CNOT6L: variants seen among roughly 807,000 people sequenced by gnomAD.
The protein encoded by CNOT6L is CCR4-NOT transcription complex subunit 6-like.
A neutral mutation model predicts 64.0 loss-of-function variants in CNOT6L; 7 were observed. The ratio of observed to expected loss-of-function variants is 0.11; its 90% CI spans 0.06 to 0.21. The LOEUF is 0.21. CNOT6L is among the 10% of genes least tolerant of loss of function. The pLI, the probability that CNOT6L is intolerant of heterozygous loss-of-function variation, is 1.00. For synonymous variants in CNOT6L, 193 were observed against 243.4 expected, an observed-to-expected ratio of 0.79 and a Z score of 1.93; for missense variants, 245 against 669.0, an observed-to-expected ratio of 0.37 and a Z score of 6.99.
chr4:77,778,143 T>G (rs1214705615), intron 1 of CNOT6L, among the ~76,000 whole-genome samples: 1 of 152,206 alleles, frequency 6.6e-6, no homozygotes, highest in Non-Finnish European at 1.5e-5. Flanking sequence ...TTCTACCATA[T>G]TCAGCCTATA....
intron 1 of CNOT6L, among the ~76,000 whole-genome samples, chr4:77,810,052 C>T (rs1296033851): frequency 6.6e-6 from 1 of 151,802 alleles, no homozygotes; most frequent in Non-Finnish European, 1.5e-5. Flanking sequence ...AATTTTAAAG[C>T]GGACTAAAAA....
intron 4 of CNOT6L, among the ~76,000 whole-genome samples, chr4:77,759,778 A>G (rs1237622889): frequency 6.6e-6 from 1 of 152,192 alleles, no homozygotes; most frequent in Admixed American, 6.5e-5. Context: ...GTAAGGTTGA[A>G]AAACAGAACA....
intron 1 of CNOT6L, among the ~76,000 whole-genome samples, chr4:77,787,441 T>A (rs978399344): frequency 6.6e-6 from 1 of 152,180 alleles, no homozygotes; most frequent in African/African-American, 2.4e-5. Context: ...TACAAATGCC[T>A]TAAAATCCCT....
At chr4:77,790,205 T>A (rs1015629338) in intron 1 of CNOT6L, among the ~76,000 whole-genome samples, 2 of 152,126 alleles carry the variant, frequency 1.3e-5, no homozygotes, top group African/African-American at 4.8e-5. Context: ...ATTATGCATT[T>A]TAAGTTTCCT....
At chr4:77,781,025 T>C (rs564336621) in intron 1 of CNOT6L, among the ~76,000 whole-genome samples, 1 of 152,294 alleles carries the variant, frequency 6.6e-6, no homozygotes, top group East Asian at 1.9e-4. Context: ...TTCATGTTCT[T>C]TGCAGGGACA....
At chr4:77,765,067 A>G (rs1054526436) in intron 4 of CNOT6L, among the ~76,000 whole-genome samples, 1 of 152,192 alleles carries the variant, frequency 6.6e-6, no homozygotes, top group Non-Finnish European at 1.5e-5. Flanking sequence ...CTTCGCTGGT[A>G]AAACAGGTTG....
intron 1 of CNOT6L, among the ~76,000 whole-genome samples, chr4:77,818,198 C>G (rs1404235351): frequency 6.6e-6 from 1 of 152,182 alleles, no homozygotes; most frequent in Admixed American, 6.5e-5. Flanking sequence ...ACAAACGGCT[C>G]AGCTAAACTC....
intron 6 of CNOT6L, among the ~76,000 whole-genome samples, chr4:77,747,680 G>C (rs1724360534): frequency 6.6e-6 from 1 of 152,052 alleles, no homozygotes; most frequent in Non-Finnish European, 1.5e-5. Flanking sequence ...CTTTATAAAT[G>C]TCAAACCATT....
intron 5 of CNOT6L, among the ~76,000 whole-genome samples, chr4:77,750,847 C>T (rs1724776458): frequency 6.6e-6 from 1 of 152,180 alleles, no homozygotes; most frequent in Admixed American, 6.5e-5. Context: ...AGCACTAGGC[C>T]TGATCTGCCT....
chr4:77,794,797 T>C (rs904141028), intron 1 of CNOT6L, among the ~76,000 whole-genome samples: 4 of 152,052 alleles, frequency 2.6e-5, no homozygotes, highest in African/African-American at 9.7e-5. Context: ...AGAGAGAAGA[T>C]ATAAAAGTCA....
intron 4 of CNOT6L, among the ~76,000 whole-genome samples, chr4:77,768,470 A>AAAATATATATATATATATAT (rs1727112716): frequency 3.0e-5 from 4 of 134,404 alleles, no homozygotes; most frequent in African/African-American, 1.2e-4. Flanking sequence ...GTCTAAAATA[A>AAAATATATATATATATATAT]ATAAATATAT....
intron 1 of CNOT6L, among the ~76,000 whole-genome samples, chr4:77,817,928 T>C (rs1189069845): frequency 6.6e-6 from 1 of 152,218 alleles, no homozygotes; most frequent in Non-Finnish European, 1.5e-5. Flanking sequence ...AAAAGCACAT[T>C]AGCAAATAAT....
At chr4:77,720,725 C>CT (rs1721189630) in intron 11 of CNOT6L, 82 bp from the exon 12 acceptor site, 1 of 1,359,800 alleles carries the variant, frequency 7.4e-7, no homozygotes, top group Non-Finnish European at 1.0e-6. Flanking sequence ...AACCAAAAAA[C>CT]TGACTACCCT....
chr4:77,724,313 C>G (rs936065932), intron 11 of CNOT6L, among the ~76,000 whole-genome samples: 2 of 146,138 alleles, frequency 1.4e-5, no homozygotes, highest in African/African-American at 2.5e-5. Context: ...TTGTGCCACT[C>G]TAGGTGACAG....
intron 6 of CNOT6L, among the ~76,000 whole-genome samples, chr4:77,747,586 T>TC: frequency 6.6e-6 from 1 of 151,710 alleles, no homozygotes; most frequent in Non-Finnish European, 1.5e-5. Context: ...CTCTTGTGAT[T>TC]AAAAAAAAGA....
intron 8 of CNOT6L, among the ~76,000 whole-genome samples, chr4:77,739,967 A>G (rs62304119): frequency 8.5e-4 from 129 of 152,326 alleles, no homozygotes; most frequent in Non-Finnish European, 1.7e-3. Context: ...TATTATCTTG[A>G]AAGAAACTAT....
intron 1 of CNOT6L, among the ~76,000 whole-genome samples, chr4:77,781,063 A>G (rs1020137687): frequency 2.6e-5 from 4 of 152,226 alleles, no homozygotes; most frequent in African/African-American, 9.6e-5. Flanking sequence ...CATCATTCCC[A>G]GCAAACTAAC....
At chr4:77,791,084 A>C (rs756849225) in intron 1 of CNOT6L, among the ~76,000 whole-genome samples, 11 of 151,976 alleles carry the variant, frequency 7.2e-5, no homozygotes, top group Non-Finnish European at 1.6e-4. Context: ...TCCAGACCAG[A>C]CTGACCAACA....
intron 1 of CNOT6L, among the ~76,000 whole-genome samples, chr4:77,798,564 A>T (rs1731142108): frequency 6.6e-6 from 1 of 152,216 alleles, no homozygotes; most frequent in Non-Finnish European, 1.5e-5. Context: ...ATTCTACTCT[A>T]TACTTTGGCC....
Sources: allele counts gnomAD v4.1 joint callset (sites outside exome capture counted in the v4.1 genomes callset), GRCh38; gene constraint gnomAD v4.1.1; transcripts MANE v1.5; gene names NCBI Gene and HGNC (gene_info 2026-07-23, HGNC 2026-07-21).